Variants in SATB2 observed in about 807,000 individuals in gnomAD.
SATB2 encodes SATB homeobox 2.
SATB2 carries 1 observed loss-of-function variant against 73.4 expected under a neutral mutation model. That is an observed-to-expected ratio of 0.01 (90% CI 0.00 to 0.06). SATB2 has a LOEUF of 0.06. SATB2 is among the 10% of genes least tolerant of loss of function. The pLI, the probability that SATB2 is intolerant of heterozygous loss-of-function variation, is 1.00. For missense variants in SATB2, 459 were observed against 945.8 expected (o/e 0.49, Z 6.75); for synonymous variants, 397 against 367.0 (o/e 1.08, Z -0.93).
chr2:199,272,596 G>A lies in SATB2; in HGVS notation c.1817C>T (p.Pro606Leu). ...CTTTTTGGCACAACTGTCTTCAGTC[G>A]GAGGAGGTGGGGGAGGCGCTTCTTC... ...PREEAPPPPP[P>L]TEDSCAKKPR... The change falls in exon 11 of 11, where the codon CCG becomes CTG. Residue 606 changes from proline to leucine, a missense_variant. By Grantham distance (98) the Pro-to-Leu change is moderately conservative. This residue lies in a region of SATB2 where 74 missense variants were observed against 136.1 expected (regional missense o/e 0.54). Coordinates refer to ENST00000417098, the MANE Select transcript of SATB2 (RefSeq NM_001172509.2). The surrounding 1 kb of genome is among the most constrained non-coding windows in gnomAD (Gnocchi z 6.7). 2 of 1,614,080 alleles carry A rather than the reference G, an allele frequency of 1.2e-6. No individual in the cohort carries two copies. The highest frequency in any genetic ancestry group is 1.7e-6 in the Non-Finnish European group (2 of 1,180,014).
chr2:199,469,215 A>C (rs2105972492), upstream of SATB2, among the ~76,000 whole-genome samples: 1 of 152,310 alleles, frequency 6.6e-6, no homozygotes, highest in Non-Finnish European at 1.5e-5. Flanking sequence ...TGTTAACCGG[A>C]AAGGGTGCTG....
At position 199,455,874 on chromosome 2, in the gene SATB2, A is replaced by G. The variant is rs1226310700; in HGVS notation, c.164T>C (p.Val55Ala). ...TCCCTGCTCCGGGCTGTTACCTCCC[A>G]CGGCCTTGGCCACGGCGCCGTTGGG... ...GRPNGAVAKA[V>A]GGLMIPVFCV... The change falls in exon 2 of 11, where the codon GTG becomes GCG. Residue 55 changes from valine to alanine, a missense_variant. Val to Ala is a moderately conservative substitution (Grantham distance 64, BLOSUM62 0). This residue lies in a region of SATB2 where 74 missense variants were observed against 113.3 expected (regional missense o/e 0.65). Coordinates refer to ENST00000417098, the MANE Select transcript of SATB2 (RefSeq NM_001172509.2). This position sits in a 1 kb window ranked among gnomAD's most constrained non-coding sequence, Gnocchi z 4.1. The G allele has an allele frequency of 1.7e-5, 26 of 1,536,772 alleles. No individual in the cohort carries two copies. The highest frequency in any genetic ancestry group is 2.2e-5 in the Non-Finnish European group (25 of 1,147,780).
intron 3 of SATB2, among the ~76,000 whole-genome samples, chr2:199,392,925 T>A (rs1690192014): frequency 6.6e-6 from 1 of 152,204 alleles, no homozygotes. Flanking sequence ...AAGGGAAAGT[T>A]GCCTTTACTT....
At chr2:199,449,067 T>G (rs1692050135) in intron 2 of SATB2, among the ~76,000 whole-genome samples, 1 of 152,224 alleles carries the variant, frequency 6.6e-6, no homozygotes, top group South Asian at 2.1e-4. Context: ...TTCTTAAAAT[T>G]TCTATTCATG....
At chr2:199,282,512 A>T (rs1014761230) in intron 10 of SATB2, among the ~76,000 whole-genome samples, 1 of 152,160 alleles carries the variant, frequency 6.6e-6, no homozygotes, top group East Asian at 1.9e-4. Flanking sequence ...TGTAATTCTG[A>T]GCACGTTACT....
At chr2:199,368,879 C>T in intron 5 of SATB2, 172 bp from the exon 6 acceptor site, 1 of 542,710 alleles carries the variant, frequency 1.8e-6, no homozygotes, top group Non-Finnish European at 3.3e-6. Flanking sequence ...TTTACCATCC[C>T]TTTAATTTAT....
chr2:199,468,745 C>T (rs1424968610), upstream of SATB2: 1 of 152,274 alleles, frequency 6.6e-6, no homozygotes, highest in African/African-American at 2.4e-5. Context: ...CTGGGCAGGC[C>T]TGAGGTGGCC....
At chr2:199,413,451 T>G (rs1289284922) in intron 3 of SATB2, among the ~76,000 whole-genome samples, 1 of 152,196 alleles carries the variant, frequency 6.6e-6, no homozygotes, top group Admixed American at 6.5e-5. Context: ...GACTCCTTGC[T>G]GGCACTGTTA....
At chr2:199,369,042 AAAT>A (rs1689368203) in intron 5 of SATB2, 1 of 234,274 alleles carries the variant, frequency 4.3e-6, no homozygotes, top group South Asian at 6.3e-5. Context: ...TCCGTAATCC[AAAT>A]AATGCCTTTC....
intron 10 of SATB2, among the ~76,000 whole-genome samples, chr2:199,298,281 T>G (rs1687177428): frequency 6.6e-6 from 1 of 152,156 alleles, no homozygotes; most frequent in Non-Finnish European, 1.5e-5. Flanking sequence ...CTCTACAACG[T>G]CAGAGCTCCA....
chr2:199,328,971 C>G, intron 7 of SATB2, 61 bp from the exon 8 acceptor site: 5 of 1,277,136 alleles, frequency 3.9e-6, no homozygotes, highest in Non-Finnish European at 3.4e-6. Flanking sequence ...TGTGTGGTTT[C>G]TGTCTTCCAC....
At chr2:199,312,766 T>C (rs576028311) in intron 9 of SATB2, among the ~76,000 whole-genome samples, 2 of 152,270 alleles carry the variant, frequency 1.3e-5, no homozygotes, top group Admixed American at 6.5e-5. Flanking sequence ...GATGATATAC[T>C]GACACCACGA....
chr2:199,385,469 T>C (rs1439235871), intron 3 of SATB2, among the ~76,000 whole-genome samples: 2 of 152,116 alleles, frequency 1.3e-5, no homozygotes, highest in Non-Finnish European at 2.9e-5. Flanking sequence ...AAAAACACTA[T>C]GACAATCTCT....
intron 3 of SATB2, among the ~76,000 whole-genome samples, chr2:199,390,876 T>C (rs920529881): frequency 5.9e-5 from 9 of 152,200 alleles, no homozygotes; most frequent in African/African-American, 1.7e-4. Flanking sequence ...TCCAGGCATA[T>C]TGTGTTTCCT....
At chr2:199,407,288 C>CAA (rs34954916) in intron 3 of SATB2, among the ~76,000 whole-genome samples, 1,477 of 76,840 alleles carry the variant, frequency 0.019, 19 homozygotes, top group South Asian at 0.03. Flanking sequence ...TCTTGTCTCC[C>CAA]AAAAAAAAAA....
In SATB2 at chr2:199,349,079, C is replaced by T. The variant is rs756991203; in HGVS notation, c.795G>A (p.Gly265=). The change falls in exon 7 of 11, where the codon GGG becomes GGA. Residue 265 remains glycine (G), a synonymous_variant. Transcript: ENST00000417098. ...LPNMNQLASL[G]KTNEQSPHSQ... is the part of the protein sequence containing the mutation. ...TGTGAGGAGACTGTTCGTTGGTTTT[C>T]CCCAGGGATGCCAGCTGGTTCATAT... 1 of 1,614,040 alleles carries T rather than the reference C, an allele frequency of 6.2e-7. No individual in the cohort carries two copies. The highest frequency in any genetic ancestry group is 8.5e-7 in the Non-Finnish European group (1 of 1,179,958).
intron 7 of SATB2, among the ~76,000 whole-genome samples, chr2:199,331,261 T>C (rs1688182674): frequency 6.6e-6 from 1 of 151,702 alleles, no homozygotes; most frequent in Middle Eastern, 3.2e-3. Flanking sequence ...TTCTCCTACA[T>C]TTTTTACATA....
Position 199,299,010 on chromosome 2 carries a change from A to T in SATB2, c.1740+9750T>A, listed in dbSNP as rs1163920291. Among the ~76,000 whole-genome samples, 113 of 152,178 alleles carry T rather than the reference A, an allele frequency of 7.4e-4. 4 individuals carry two copies. The highest frequency in any genetic ancestry group is 7.3e-3 in the Admixed American group (111 of 15,268). Reference sequence around the variant, plus strand: ...ACACACCTAACCTTCCAAGGACCACAGCTTTATTAAAGGCACACCAAATGA... The same window carrying T: ...ACACACCTAACCTTCCAAGGACCACTGCTTTATTAAAGGCACACCAAATGA... On this transcript the variant is annotated intron_variant, in intron 10 of 10. Coordinates refer to ENST00000417098, the MANE Select transcript of SATB2 (RefSeq NM_001172509.2).
Position 199,365,769 on chromosome 2 carries a change from T to C in SATB2, c.700+2836A>G, listed in dbSNP as rs117434305. 2.4e-4 allele frequency among the ~76,000 whole-genome samples: 37 copies of C among 152,264 alleles called. 1 individual carries two copies. The East Asian group carries it at 6.9e-3, about 29-fold the overall frequency. ...CTCATATTTATTTCAGCATTGACTA[T>C]AGAATTTGCAATCTGATCTTTTTTT... On this transcript the variant is annotated intron_variant, in intron 6 of 10. Coordinates refer to ENST00000417098, the MANE Select transcript of SATB2 (RefSeq NM_001172509.2).
Sources: gnomAD v4.1 joint callset for allele counts (sites outside exome capture counted in the v4.1 genomes callset) on GRCh38, gnomAD v4.1.1 for gene constraint, gnomAD v4.1.1 regional missense constraint, Gnocchi (gnomAD v3.1) non-coding constraint, MANE v1.5 for transcripts, NCBI Gene and HGNC (gene_info 2026-07-23, HGNC 2026-07-21) for gene names.